The following MESP1 variants were observed in gnomAD, a reference collection of about 807,000 sequenced individuals.
MESP1 encodes mesoderm posterior bHLH transcription factor 1, also known as mesoderm posterior protein 1.
A neutral mutation model predicts 15.2 loss-of-function variants in MESP1; 22 were observed. That is an observed-to-expected ratio of 1.45 (90% confidence interval 1.04 to 2.07). The LOEUF is 2.07. Among genes scored for constraint, MESP1 ranks in the 30% most tolerant of loss-of-function variants. The probability of loss-of-function intolerance (pLI) is 0.00; values close to 1 mark genes in which losing one functional copy is unlikely to be tolerated. For synonymous variants in MESP1, 216 were observed against 192.6 expected (o/e 1.12, Z -1.01); for missense variants, 484 against 411.9 (o/e 1.17, Z -1.51).
At chr15:89,740,106 G>A in the MESP1 span, among the ~76,000 whole-genome samples, 1 of 152,168 alleles carries the variant, frequency 6.6e-6, no homozygotes, top group Non-Finnish European at 1.5e-5. Flanking sequence ...TTGGCTTAAG[G>A]TATTAAGTGG....
chr15:89,751,006 TGC>T lies in MESP1; in HGVS notation c.224_225del (p.Arg75GlnfsTer14). 1 of 1,366,166 alleles carries T rather than the reference TGC, an allele frequency of 7.3e-7. No individual in the cohort carries two copies. 84.6% of individuals were successfully genotyped at this position (1,366,166 alleles called of 1,614,324 possible). A position where few individuals can be genotyped will look rare whatever the true frequency, so the allele number is the denominator to read the frequency against. On this transcript the variant is annotated frameshift_variant, in exon 1 of 2. Coordinates refer to ENST00000300057, the MANE Select transcript of MESP1 (RefSeq NM_018670.4). LOFTEE classifies it high-confidence loss of function. Reference sequence around the variant, plus strand: ...CTCTGCCCGCTGCCCAGGCGGCTGCTGCGCGCGCCGCGCCTACCTACGGAGGG... The same window carrying T: ...CTCTGCCCGCTGCCCAGGCGGCTGCTGCGCGCCGCGCCTACCTACGGAGGG... ...RAPSVGRRGARSSRLGSGQRQ... is the reference protein window; with the variant it reads ...RAPSVGRRGAXSSRLGSGQRQ...
At chr15:89,747,809 G>A (rs1228652075), downstream of MESP1, among the ~76,000 whole-genome samples, 2 of 152,248 alleles carry the variant, frequency 1.3e-5, no homozygotes, top group Non-Finnish European at 2.9e-5. Flanking sequence ...GCGGGGCTGA[G>A]AACTGAGGTG....
chr15:89,732,601 T>G, the MESP1 span, among the ~76,000 whole-genome samples: 6 of 145,580 alleles, frequency 4.1e-5, no homozygotes, highest in Non-Finnish European at 8.9e-5. Context: ...GGATATTAAG[T>G]TCTTGTTGTT....
At chr15:89,750,294 T>C (rs775561033) in intron 1 of MESP1, 67 bp from the exon 2 acceptor site, 1 of 1,591,630 alleles carries the variant, frequency 6.3e-7, no homozygotes, top group Non-Finnish European at 8.6e-7. Context: ...TCCGCGCTCG[T>C]GGGCTCCACT....
chr15:89,743,371 A>G, the MESP1 span: 1 of 1,614,104 alleles, frequency 6.2e-7, no homozygotes, highest in Non-Finnish European at 8.5e-7. Flanking sequence ...GTCGCTCCAG[A>G]GAGAGAACTT....
chr15:89,745,196 G>A (rs1304286323), downstream of MESP1, among the ~76,000 whole-genome samples: 1 of 152,170 alleles, frequency 6.6e-6, no homozygotes, highest in Non-Finnish European at 1.5e-5. This position sits in a 1 kb window ranked among gnomAD's most constrained non-coding sequence, Gnocchi z 4.8. Context: ...GCCCACACCT[G>A]GCCACCTTCT....
the MESP1 span, among the ~76,000 whole-genome samples, chr15:89,734,223 G>C: frequency 1.3e-5 from 2 of 152,244 alleles, no homozygotes; most frequent in East Asian, 3.9e-4. Context: ...TAAGAAAATA[G>C]TCAGTGTTTA....
In MESP1 at chr15:89,750,076, G is replaced by A. The variant is rs1367350290; in HGVS notation, c.*68C>T. ...CTTCCAGGAAAGGCAGTCTGCCAAG[G>A]AACCACTTCGAAGGTGCTGAGGCCA... On this transcript the variant is annotated 3_prime_UTR_variant, in exon 2 of 2. Coordinates refer to ENST00000300057, the MANE Select transcript of MESP1 (RefSeq NM_018670.4). The A allele has an allele frequency of 4.9e-6, 7 of 1,442,886 alleles. No homozygotes were observed. The Admixed American group carries it at 8.4e-5, about 17-fold the overall frequency. 89.4% of individuals were successfully genotyped at this position (1,442,886 alleles called of 1,614,324 possible).
chr15:89,739,950 C>G, the MESP1 span, among the ~76,000 whole-genome samples: 1 of 152,186 alleles, frequency 6.6e-6, no homozygotes, highest in Non-Finnish European at 1.5e-5. Context: ...TGGAGCCAAA[C>G]AGACCTGAGT....
intron 1 of MESP1, 66 bp from the exon 2 acceptor site, chr15:89,750,293 G>C: frequency 6.3e-7 from 1 of 1,592,456 alleles, no homozygotes; most frequent in Middle Eastern, 1.7e-4. Flanking sequence ...GTCCGCGCTC[G>C]TGGGCTCCAC....
intron 1 of MESP1, 38 bp downstream of exon 1, chr15:89,750,471 G>C (rs760335341): frequency 6.1e-6 from 9 of 1,475,516 alleles, no homozygotes; most frequent in Non-Finnish European, 8.0e-6. Flanking sequence ...TGTGCGCGGG[G>C]GCACGGACGA....
chr15:89,737,157 A>G, the MESP1 span, among the ~76,000 whole-genome samples: 1 of 152,188 alleles, frequency 6.6e-6, no homozygotes, highest in Non-Finnish European at 1.5e-5. Flanking sequence ...CCCAGGCAAG[A>G]GAGCATCCCC....
At position 89,751,025 on chromosome 15, in the gene MESP1, T is replaced by C; in HGVS notation, c.207A>G (p.Val69=). The change falls in exon 1 of 2, where the codon GTA becomes GTG. Residue 69 remains valine, a synonymous_variant. Transcript: ENST00000300057. ...GGCTGCTGCGCGCGCCGCGCCTACC[T>C]ACGGAGGGGGCGCGGGGGTCCCGGA... The part of the protein sequence containing the change: ...GTLRDPRAPS[V]GRRGARSSRL... 7.4e-7 allele frequency: 1 copy of C among 1,349,924 alleles called. No individual in the cohort carries two copies. The highest frequency in any genetic ancestry group is 9.4e-7 in the Non-Finnish European group (1 of 1,058,844). 83.6% of individuals were successfully genotyped at this position (1,349,924 alleles called of 1,614,324 possible).
At chr15:89,747,863 G>A (rs28625357), downstream of MESP1, among the ~76,000 whole-genome samples, 88,871 of 152,114 alleles carry the variant, frequency 0.58, 26,950 homozygotes, top group African/African-American at 0.67. Flanking sequence ...CTACCTGGAC[G>A]CTGGCTACTG....
the MESP1 span, among the ~76,000 whole-genome samples, chr15:89,732,764 C>T: frequency 4.6e-5 from 7 of 152,166 alleles, no homozygotes; most frequent in Non-Finnish European, 1.0e-4. Context: ...CCCTGCCCTC[C>T]TCCATGCTCT....
At chr15:89,746,623 C>CCA (rs1186928980), downstream of MESP1, among the ~76,000 whole-genome samples, 4 of 141,328 alleles carry the variant, frequency 2.8e-5, no homozygotes, top group African/African-American at 1.1e-4. Context: ...AGCTCCGCCT[C>CCA]CACACACAGA....
At chr15:89,745,193 C>T (rs114176111), downstream of MESP1, among the ~76,000 whole-genome samples, 1,540 of 152,306 alleles carry the variant, frequency 0.01, 26 homozygotes, top group Middle Eastern at 0.037. This position sits in a 1 kb window ranked among gnomAD's most constrained non-coding sequence, Gnocchi z 4.8. Flanking sequence ...GCTGCCCACA[C>T]CTGGCCACCT....
chr15:89,741,722 G>A, the MESP1 span, among the ~76,000 whole-genome samples: 52 of 152,068 alleles, frequency 3.4e-4, 1 homozygote, highest in East Asian at 3.1e-3. Flanking sequence ...TCATATAACC[G>A]GTTATATAAA....
At chr15:89,732,932 G>C in the MESP1 span, 3 of 1,394,812 alleles carry the variant, frequency 2.2e-6, no homozygotes, top group East Asian at 2.3e-5. Context: ...CACACTTGCT[G>C]GTCACAGCCC....
Sources: gnomAD v4.1 joint callset for allele counts (sites outside exome capture counted in the v4.1 genomes callset) on GRCh38, gnomAD v4.1.1 for gene constraint, Gnocchi (gnomAD v3.1) non-coding constraint, MANE v1.5 for transcripts, NCBI Gene and HGNC (gene_info 2026-07-23, HGNC 2026-07-21) for gene names.